The following PPEF1 variants were observed in gnomAD, a reference collection of about 807,000 sequenced individuals.
The protein encoded by PPEF1 is serine/threonine-protein phosphatase with EF-hands 1.
PPEF1 carries 12 observed loss-of-function variants against 53.3 expected under a neutral mutation model. The observed-to-expected ratio is 0.23, with a 90% CI of 0.14 to 0.36. PPEF1 has a LOEUF of 0.36. PPEF1 is among the 10% of genes least tolerant of loss of function. The pLI is 1.00. For missense variants in PPEF1, 334 were observed against 490.4 expected (o/e 0.68, Z 3.01); for synonymous variants, 165 against 176.7 (o/e 0.93, Z 0.52).
chrX:18,824,005 T>G lies in PPEF1; in HGVS notation c.1584T>G (p.Asn528Lys). ...TACCATGGAGATCCCTCAGTTCGAA[T>G]CTGGTAAACATAGACCAAAATGGAA... Reference protein sequence around the residue: ...LNLPWRSLSSNLVNIDQNGNV... With the variant: ...LNLPWRSLSSKLVNIDQNGNV... Residue 528 changes from asparagine (N) to lysine (K), a missense_variant, in exon 14 of 16, where the codon AAT becomes AAG. Physicochemically the swap from Asn to Lys is moderately conservative, Grantham distance 94 (BLOSUM62 0). Coordinates refer to ENST00000470157, the MANE Select transcript of PPEF1 (RefSeq NM_001377996.1). The G allele has an allele frequency of 8.3e-7, 1 of 1,207,874 alleles. No individual in the cohort carries two copies. The highest frequency in any genetic ancestry group is 1.1e-6 in the Non-Finnish European group (1 of 892,130).
intron 12 of PPEF1, among the ~76,000 whole-genome samples, chrX:18,808,856 A>G (rs941577550): frequency 9.0e-6 from 1 of 111,319 alleles, no homozygotes; most frequent in Non-Finnish European, 1.9e-5. Flanking sequence ...GAAGTTCCTC[A>G]AAACATTAAA....
At chrX:18,807,065 T>C (rs1257883105) in intron 12 of PPEF1, among the ~76,000 whole-genome samples, 3 of 110,716 alleles carry the variant, frequency 2.7e-5, no homozygotes, top group Non-Finnish European at 5.7e-5. Context: ...AGTCTCGCTC[T>C]GCAGCCCAGG....
chrX:18,825,672 TTC>T (rs2047152553), intron 14 of PPEF1, 77 bp from the exon 15 acceptor site: 1 of 593,788 alleles, frequency 1.7e-6, no homozygotes. Flanking sequence ...TGATGATGTT[TTC>T]TGTTTGTTAC....
intron 10 of PPEF1, among the ~76,000 whole-genome samples, chrX:18,801,282 C>G (rs1375926671): frequency 9.0e-6 from 1 of 111,486 alleles, no homozygotes; most frequent in Non-Finnish European, 1.9e-5. Flanking sequence ...CTAGTTCTGA[C>G]CAGGTACTTA....
intron 3 of PPEF1, among the ~76,000 whole-genome samples, chrX:18,744,346 T>G (rs2045275720): frequency 8.9e-6 from 1 of 111,893 alleles, no homozygotes; most frequent in African/African-American, 3.3e-5. Flanking sequence ...ATACTTGTCC[T>G]TGTAATCCTA....
At chrX:18,797,305 A>G (rs1460934219) in intron 10 of PPEF1, among the ~76,000 whole-genome samples, 1 of 111,881 alleles carries the variant, frequency 8.9e-6, no homozygotes, top group African/African-American at 3.2e-5. Context: ...TCTTGTAGTC[A>G]TGGAAATTCA....
intron 12 of PPEF1, among the ~76,000 whole-genome samples, chrX:18,808,722 C>T (rs1223513306): frequency 1.8e-5 from 2 of 111,308 alleles, no homozygotes; most frequent in Admixed American, 9.7e-5. Flanking sequence ...CCTCTCTCAC[C>T]GGTTAGAATG....
intron 10 of PPEF1, among the ~76,000 whole-genome samples, chrX:18,797,269 A>G (rs1443908593): frequency 8.9e-6 from 1 of 112,177 alleles, no homozygotes; most frequent in Non-Finnish European, 1.9e-5. Context: ...GCTATTTTGT[A>G]TAAAGATCAT....
intron 10 of PPEF1, among the ~76,000 whole-genome samples, chrX:18,796,870 C>T (rs2046441294): frequency 8.9e-6 from 1 of 111,809 alleles, no homozygotes; most frequent in Admixed American, 9.6e-5. Context: ...ACAAGCTCTT[C>T]TAGGATTATG....
upstream of PPEF1, among the ~76,000 whole-genome samples, chrX:18,705,498 G>C (rs1250370492): frequency 8.9e-6 from 1 of 112,260 alleles, no homozygotes; most frequent in African/African-American, 3.2e-5. Flanking sequence ...CACGTTGCTT[G>C]AGGCCAGGAG....
chrX:18,782,638 A>G (rs1414001238), intron 8 of PPEF1, among the ~76,000 whole-genome samples: 1 of 111,849 alleles, frequency 8.9e-6, no homozygotes, highest in East Asian at 2.8e-4. Flanking sequence ...AAGTTTTAGC[A>G]TAGATACATA....
intron 3 of PPEF1, among the ~76,000 whole-genome samples, chrX:18,749,582 C>T (rs780844105): frequency 3.6e-5 from 4 of 111,405 alleles, no homozygotes; most frequent in Non-Finnish European, 7.5e-5. Context: ...AACATCTGCC[C>T]AGGAAGGGAT....
At chrX:18,758,443 G>C (rs772703705) in intron 5 of PPEF1, among the ~76,000 whole-genome samples, 2 of 111,995 alleles carry the variant, frequency 1.8e-5, no homozygotes, top group Non-Finnish European at 3.8e-5. Flanking sequence ...TCAGTTTTTA[G>C]CCTGCATTTC....
intron 12 of PPEF1, among the ~76,000 whole-genome samples, chrX:18,817,100 G>GTGTC (rs1446059604): frequency 9.5e-6 from 1 of 104,741 alleles, no homozygotes; most frequent in African/African-American, 3.5e-5. Flanking sequence ...GTGTGTGTGT[G>GTGTC]TGTGTACATG....
rs749000491 is a variant in PPEF1, at chrX:18,789,949, G to C, written c.1065+676G>C. 2.7e-5 allele frequency among the ~76,000 whole-genome samples: 3 copies of C among 112,056 alleles called. No homozygotes were observed. The East Asian group carries it at 8.3e-4, about 31-fold the overall frequency. Reference sequence around the variant, plus strand: ...ATGTATGTTTTTATTTCTCTTAAGTGTGTACCTAGGAGTGGAACTGCTGAG... The same window carrying C: ...ATGTATGTTTTTATTTCTCTTAAGTCTGTACCTAGGAGTGGAACTGCTGAG... On this transcript the variant is annotated intron_variant, in intron 10 of 15. Transcript: ENST00000470157.
intron 10 of PPEF1, 28 bp downstream of exon 10, chrX:18,789,301 G>A: frequency 8.4e-7 from 1 of 1,185,256 alleles, no homozygotes; most frequent in Non-Finnish European, 1.1e-6. Flanking sequence ...TCACTGCAGT[G>A]GCAACAATGA....
At chrX:18,735,186 T>A (rs1227088441) in intron 3 of PPEF1, among the ~76,000 whole-genome samples, 2 of 111,783 alleles carry the variant, frequency 1.8e-5, no homozygotes, top group Admixed American at 9.5e-5. Flanking sequence ...GGTGTTTTAG[T>A]CATGAAGTCC....
At chrX:18,794,706 G>T (rs2046395505) in intron 10 of PPEF1, among the ~76,000 whole-genome samples, 1 of 112,525 alleles carries the variant, frequency 8.9e-6, no homozygotes, top group Non-Finnish European at 1.9e-5. Context: ...TGCTGTGCTT[G>T]CCTGGAATCC....
intron 2 of PPEF1, among the ~76,000 whole-genome samples, chrX:18,685,366 T>C (rs1929028487): frequency 8.9e-6 from 1 of 112,077 alleles, no homozygotes; most frequent in South Asian, 3.7e-4. Flanking sequence ...ATGCTAGCAG[T>C]TTTCCTCTGC....
Sources: allele counts gnomAD v4.1 joint callset (sites outside exome capture counted in the v4.1 genomes callset), GRCh38; gene constraint gnomAD v4.1.1; transcripts MANE v1.5; gene names NCBI Gene and HGNC (gene_info 2026-07-23, HGNC 2026-07-21).